Variants in POLR3H observed in about 807,000 individuals in gnomAD.
The protein encoded by POLR3H is DNA-directed RNA polymerase III subunit RPC8.
Under a neutral mutation model 25.5 loss-of-function variants are expected in POLR3H, and 17 were observed. That is an observed-to-expected ratio of 0.67 (90% CI 0.46 to 1.00). POLR3H has a LOEUF of 1.00. POLR3H is among the 50% of genes least tolerant of loss of function. The probability of loss-of-function intolerance (pLI) is 0.00; values close to 1 mark genes in which losing one functional copy is unlikely to be tolerated. For missense variants in POLR3H, 274 were observed against 265.0 expected (o/e 1.03, Z -0.24); for synonymous variants, 129 against 103.0 (o/e 1.25, Z -1.53).
intron 1 of POLR3H, among the ~76,000 whole-genome samples, chr22:41,543,140 GGAAA>G (rs755657676): frequency 6.6e-6 from 1 of 152,148 alleles, no homozygotes; most frequent in East Asian, 1.9e-4. Flanking sequence ...AGTCTAAGAA[GGAAA>G]GAGAGTGATG....
chr22:41,534,484 C>T (rs960634700), intron 2 of POLR3H, among the ~76,000 whole-genome samples: 7 of 152,152 alleles, frequency 4.6e-5, no homozygotes, highest in African/African-American at 1.7e-4. Context: ...GTACAGTGTC[C>T]AGAACCACAT....
chr22:41,529,424 G>C, intron 5 of POLR3H, 88 bp from the exon 6 acceptor site: 1 of 1,213,488 alleles, frequency 8.2e-7, no homozygotes, highest in Non-Finnish European at 1.2e-6. Flanking sequence ...AGCAGGCCCA[G>C]CACAGGCAAA....
rs1399657779 is a variant in POLR3H, at chr22:41,530,701, G to A, written c.547C>T (p.Pro183Ser). ...GAGCCACTCACCACAAGCGTGTACG[G>A]AGCCTCCTTCTTTGGCAGCTCCTCA... ...SSEELPKKEA[P>S]YTLVGSISEP... is the part of the protein sequence containing the mutation. The change falls in exon 5 of 6, where the codon CCG becomes TCG. Residue 183 changes from proline to serine, a missense_variant. By Grantham distance (74) the Pro-to-Ser change is moderately conservative. Transcript: ENST00000355209. The A allele has an allele frequency of 6.2e-7, 1 of 1,613,146 alleles. No individual in the cohort carries two copies. Among genetic ancestry groups the A allele is most frequent in the Non-Finnish European group, 8.5e-7 (1 of 1,179,996 alleles).
Position 41,528,413 on chromosome 22 carries a change from C to A in POLR3H, c.*870G>T. 1 of 1,576,598 alleles carries A rather than the reference C, an allele frequency of 6.3e-7. No individual in the cohort carries two copies. On this transcript the variant is annotated 3_prime_UTR_variant, in exon 6 of 6. Transcript: ENST00000355209. ...CCCAGGCAGTGCCCTGTCTCCCTGA[C>A]CCCCCTGCGGGGCCAAGGGCACACA... is the stretch of plus-strand genomic sequence containing the variant.
chr22:41,529,057 G>A lies in POLR3H; in HGVS notation c.*226C>T. ...GGAAGGGTCTTTTCAGTCAAGGTCA[G>A]TGGAGGCCCAACAGCCACAGCCACA... On this transcript the variant is annotated 3_prime_UTR_variant, in exon 6 of 6. Transcript: ENST00000355209. 1.7e-6 allele frequency: 1 copy of A among 576,674 alleles called. No individual in the cohort carries two copies. The allele number at this position is 576,674 out of a possible 1,614,324, so 35.7% of individuals were successfully genotyped here.
chr22:41,530,789 C>T lies in POLR3H; in HGVS notation c.459G>A (p.Val153=). 1 of 1,614,118 alleles carries T rather than the reference C, an allele frequency of 6.2e-7. No homozygotes were observed. The highest frequency in any genetic ancestry group is 8.5e-7 in the Non-Finnish European group (1 of 1,180,052). The part of the protein sequence containing the change: ...DTGEEIRFRV[V]DESFVDTSPT... Reference sequence around the variant, plus strand: ...GGGACGTGTCAACAAAGCTCTCGTCCACCACCCGGAAGCGGATCTCCTCGC... The same window carrying T: ...GGGACGTGTCAACAAAGCTCTCGTCTACCACCCGGAAGCGGATCTCCTCGC... Residue 153 remains valine, a synonymous_variant, in exon 5 of 6, where the codon GTG becomes GTA. Transcript: ENST00000355209.
At position 41,528,171 on chromosome 22, in the gene POLR3H, A is replaced by G. The variant is rs979944729; in HGVS notation, c.*1112T>C. 23 of 1,275,378 alleles carry G rather than the reference A, an allele frequency of 1.8e-5. No individual in the cohort carries two copies. Among genetic ancestry groups the G allele is most frequent in the Admixed American group, 9.5e-5 (4 of 42,138 alleles). The allele number at this position is 1,275,378 out of a possible 1,614,324, so 79.0% of individuals were successfully genotyped here. A position where few individuals can be genotyped will look rare whatever the true frequency, so the allele number is the denominator to read the frequency against. Reference sequence around the variant, plus strand: ...CTCCAGGTGGCCCCACAGAGAAAGCAAAGTGGCTTCTCAGAGTTGGGGGTT... The same window carrying G: ...CTCCAGGTGGCCCCACAGAGAAAGCGAAGTGGCTTCTCAGAGTTGGGGGTT... On this transcript the variant is annotated 3_prime_UTR_variant, in exon 6 of 6. Coordinates refer to ENST00000355209, the MANE Select transcript of POLR3H (RefSeq NM_001018050.4).
chr22:41,527,818 T>A lies in POLR3H; in HGVS notation c.*1465A>T. The stretch of plus-strand genomic sequence containing the variant: ...CCCAGGCAGCAGGATTAGGGGCATC[T>A]CCCAGAGCCCCAGATGGGTTCAGAA... On this transcript the variant is annotated 3_prime_UTR_variant, in exon 6 of 6. Coordinates refer to ENST00000355209, the MANE Select transcript of POLR3H (RefSeq NM_001018050.4). The A allele has an allele frequency of 6.2e-7, 1 of 1,601,418 alleles. No individual in the cohort carries two copies. The highest frequency in any genetic ancestry group is 8.5e-7 in the Non-Finnish European group (1 of 1,173,272).
chr22:41,532,215 C>T (rs2066749501), intron 3 of POLR3H, 58 bp from the exon 4 acceptor site: 2 of 1,536,460 alleles, frequency 1.3e-6, no homozygotes, highest in Non-Finnish European at 9.0e-7. Flanking sequence ...ACGCCAAACA[C>T]TGCGGGGTCT....
At chr22:41,534,729 T>TA (rs374273132) in intron 2 of POLR3H, among the ~76,000 whole-genome samples, 7 of 151,790 alleles carry the variant, frequency 4.6e-5, no homozygotes, top group African/African-American at 1.2e-4. Flanking sequence ...CCGTCTCTAC[T>TA]AAAAAAATAC....
At position 41,529,199 on chromosome 22, in the gene POLR3H, G is replaced by A; in HGVS notation, c.*84C>T. 2 of 1,225,474 alleles carry A rather than the reference G, an allele frequency of 1.6e-6. No homozygotes were observed. The highest frequency in any genetic ancestry group is 1.9e-5 in the Admixed American group (1 of 51,298). 75.9% of individuals were successfully genotyped at this position (1,225,474 alleles called of 1,614,324 possible). Reference sequence around the variant, plus strand: ...TCCAGCTCGAGACACTATCTCCTTAGCATCGGCCTCAGCTGCTGTTGTCTT... The same window carrying A: ...TCCAGCTCGAGACACTATCTCCTTAACATCGGCCTCAGCTGCTGTTGTCTT... On this transcript the variant is annotated 3_prime_UTR_variant, in exon 6 of 6. Coordinates refer to ENST00000355209, the MANE Select transcript of POLR3H (RefSeq NM_001018050.4).
At chr22:41,535,490 G>T (rs1289598533) in intron 2 of POLR3H, among the ~76,000 whole-genome samples, 1 of 152,232 alleles carries the variant, frequency 6.6e-6, no homozygotes, top group African/African-American at 2.4e-5. Context: ...CTGCAGAGGG[G>T]ATGCCTGGAA....
chr22:41,529,488 A>G, intron 5 of POLR3H, 152 bp from the exon 6 acceptor site: 2 of 696,220 alleles, frequency 2.9e-6, no homozygotes, highest in African/African-American at 1.8e-5. Context: ...TGGGAGCCAC[A>G]GCAGTGCTCC....
chr22:41,531,192 TCAAGA>T (rs1350944327), intron 4 of POLR3H, among the ~76,000 whole-genome samples: 3 of 152,230 alleles, frequency 2.0e-5, no homozygotes, highest in East Asian at 1.9e-4. Context: ...GTCCCACCTC[TCAAGA>T]CAAGAGCAAC....
chr22:41,533,601 C>G, intron 2 of POLR3H: 1 of 1,301,488 alleles, frequency 7.7e-7, no homozygotes, highest in East Asian at 5.6e-5. Context: ...TGCCGTCAAC[C>G]ATTTAGTCGG....
intron 2 of POLR3H, among the ~76,000 whole-genome samples, chr22:41,537,369 C>CTG (rs1208523857): frequency 6.6e-6 from 1 of 152,196 alleles, no homozygotes; most frequent in African/African-American, 2.4e-5. Context: ...AAATATTCCT[C>CTG]TGAGCAAAGG....
At position 41,526,790 on chromosome 22, in the gene POLR3H, C is replaced by T. The variant is rs546708166; in HGVS notation, c.*2493G>A. Reference sequence around the variant, plus strand: ...GGGCTACACGGGGCCTCACAGTGAGCAGGCAGAGAGGGTCTGAGGTGATTG... The same window carrying T: ...GGGCTACACGGGGCCTCACAGTGAGTAGGCAGAGAGGGTCTGAGGTGATTG... On this transcript the variant is annotated 3_prime_UTR_variant, in exon 6 of 6. Coordinates refer to ENST00000355209, the MANE Select transcript of POLR3H (RefSeq NM_001018050.4). 13 of 336,260 alleles carry T rather than the reference C, an allele frequency of 3.9e-5. No homozygotes were observed. In the South Asian group the frequency reaches 6.1e-4, roughly 16 times the overall value. The allele number at this position is 336,260 out of a possible 1,614,324, so 20.8% of individuals were successfully genotyped here.
Position 41,526,285 on chromosome 22 carries a change from C to T in POLR3H, c.*2998G>A. On this transcript the variant is annotated 3_prime_UTR_variant, in exon 6 of 6. Coordinates refer to ENST00000355209, the MANE Select transcript of POLR3H (RefSeq NM_001018050.4). ...AGGTCAAAGGGAAGTGTACCACTGACCACATCTCAGCTGCTGGCCCCTGGC... is the reference window on the plus strand; with the variant it reads ...AGGTCAAAGGGAAGTGTACCACTGATCACATCTCAGCTGCTGGCCCCTGGC... 3 of 1,612,364 alleles carry T rather than the reference C, an allele frequency of 1.9e-6. No individual in the cohort carries two copies. The highest frequency in any genetic ancestry group is 2.5e-6 in the Non-Finnish European group (3 of 1,179,990).
At chr22:41,535,160 C>T (rs2066821067) in intron 2 of POLR3H, among the ~76,000 whole-genome samples, 1 of 152,050 alleles carries the variant, frequency 6.6e-6, no homozygotes, top group South Asian at 2.1e-4. Flanking sequence ...AGTTCTTCCA[C>T]CAGGAACTAT....
Sources: allele counts gnomAD v4.1 joint callset (sites outside exome capture counted in the v4.1 genomes callset), GRCh38; gene constraint gnomAD v4.1.1; transcripts MANE v1.5; gene names NCBI Gene and HGNC (gene_info 2026-07-23, HGNC 2026-07-21).